TCF20: variants seen among roughly 807,000 people sequenced by gnomAD.
TCF20 encodes SPRE-binding protein.
A neutral mutation model predicts 148.6 loss-of-function variants in TCF20; 3 were observed. The ratio of observed to expected loss-of-function variants is 0.02; its 90% CI spans 0.01 to 0.05. TCF20 has a LOEUF of 0.05. Ranked by LOEUF, TCF20 falls within the 10% of genes least tolerant of loss-of-function variation. The pLI, the probability that TCF20 is intolerant of heterozygous loss-of-function variation, is 1.00. For synonymous variants in TCF20, 1,049 were observed against 909.5 expected, an observed-to-expected ratio of 1.15 and a Z score of -2.76; for missense variants, 2,350 against 2,429.3, an observed-to-expected ratio of 0.97 and a Z score of 0.69.
chr22:42,238,987 G>A (rs944648996), intron 1 of TCF20, among the ~76,000 whole-genome samples: 9 of 151,790 alleles, frequency 5.9e-5, no homozygotes, highest in Non-Finnish European at 1.0e-4. Flanking sequence ...GTGTGATGGC[G>A]GGCACCTGTA....
chr22:42,179,589 G>A lies in TCF20; in HGVS notation c.5749+20C>T, dbSNP rs561485005. On this transcript the variant is annotated intron_variant, in intron 3 of 5. Transcript: ENST00000677622. ...TAATCCTTTGGATGCTCTGGACAAG[G>A]GTCTGTGGTCTCCTCTTACCTGCAT... 5.1e-6 allele frequency: 8 copies of A among 1,574,362 alleles called. No individual in the cohort carries two copies. The highest frequency in any genetic ancestry group is 3.3e-5 in the South Asian group (3 of 90,220).
intron 1 of TCF20, among the ~76,000 whole-genome samples, chr22:42,237,706 ATGT>A (rs1332994115): frequency 6.6e-6 from 1 of 152,212 alleles, no homozygotes; most frequent in African/African-American, 2.4e-5. Context: ...TGCAGAATAG[ATGT>A]TGTGTTAGCA....
At position 42,215,219 on chromosome 22, in the gene TCF20, C is replaced by T; in HGVS notation, c.87G>A (p.Glu29=). The change falls in exon 2 of 6, where the codon GAG becomes GAA. Residue 29 remains glutamate, a synonymous_variant. Coordinates refer to ENST00000677622, the MANE Select transcript of TCF20 (RefSeq NM_001378418.1). ...QEVHGSSRLE[E]FSPRQAQMFQ... Reference sequence around the variant, plus strand: ...ACATCTGGGCCTGACGAGGGCTGAACTCTTCTAGCCGGGATGAGCCGTGTA... The same window carrying T: ...ACATCTGGGCCTGACGAGGGCTGAATTCTTCTAGCCGGGATGAGCCGTGTA... 6.2e-7 allele frequency: 1 copy of T among 1,614,214 alleles called. No individual in the cohort carries two copies.
chr22:42,211,533 C>T lies in TCF20; in HGVS notation c.3773G>A (p.Arg1258His). The T allele has an allele frequency of 1.2e-6, 2 of 1,614,152 alleles. No homozygotes were observed. The highest frequency in any genetic ancestry group is 1.7e-6 in the Non-Finnish European group (2 of 1,180,032). The change falls in exon 2 of 6, where the codon CGT becomes CAT. Residue 1258 changes from arginine (R) to histidine (H), a missense_variant. By Grantham distance (29) the Arg-to-His change is conservative. This residue lies in a region of TCF20 where 1,641 missense variants were observed against 1,662.6 expected (regional missense o/e 0.99). Transcript: ENST00000677622. ...QNPLIMRRRV[R>H]SFISPIPSKR... Reference sequence around the variant, plus strand: ...ACTGGGAATGGGAGAGATAAAAGAACGAACACGCCTCCTCATGATTAAGGG... The same window carrying T: ...ACTGGGAATGGGAGAGATAAAAGAATGAACACGCCTCCTCATGATTAAGGG...
In TCF20 at chr22:42,297,121, C is replaced by T. The variant is rs1927250813; in HGVS notation, c.-37+46358G>A. On this transcript the variant is annotated intron_variant, in intron 1 of 1. Coordinates refer to the TCF20 transcript ENST00000515426. The surrounding 1 kb of genome is among the most constrained non-coding windows in gnomAD (Gnocchi z 4.3). ...CAGAACCTGTGTCCCAACCCCTATG[C>T]ACTACTGGTTCAGGCAGGCCTCAGT... 6.6e-6 allele frequency among the ~76,000 whole-genome samples: 1 copy of T among 152,204 alleles called. No individual in the cohort carries two copies. The highest frequency in any genetic ancestry group is 6.5e-5 in the Admixed American group (1 of 15,286).
At chr22:42,305,049 G>A (rs1601700299) in intron 1 of TCF20, among the ~76,000 whole-genome samples, 1 of 152,198 alleles carries the variant, frequency 6.6e-6, no homozygotes, top group African/African-American at 2.4e-5. Context: ...TGAGCACACA[G>A]CAGACCCTCT....
chr22:42,211,837 C>A lies in TCF20; in HGVS notation c.3469G>T (p.Ala1157Ser), dbSNP rs1920981512. The change falls in exon 2 of 6, where the codon GCC becomes TCC. Residue 1157 changes from alanine (A) to serine (S), a missense_variant. Around this residue, in one of 7 missense-constraint regions of TCF20, gnomAD observed 1,641 missense variants for 1,662.6 expected, o/e 0.99. Transcript: ENST00000677622. ...ATTAGGCAGCGCCCAGCCTCCTGGG[C>A]ACTGGGGTCATGGTAAGTCCCCACT... is the stretch of plus-strand genomic sequence containing the variant. Reference protein sequence around the residue: ...PPVGTYHDPSAQEAGRCLMSS... With the variant: ...PPVGTYHDPSSQEAGRCLMSS... The A allele has an allele frequency of 9.9e-6, 16 of 1,614,206 alleles. No homozygotes were observed. The highest frequency in any genetic ancestry group is 1.4e-5 in the Non-Finnish European group (16 of 1,180,046).
At chr22:42,328,193 C>T (rs568650267) in intron 1 of TCF20, among the ~76,000 whole-genome samples, 3 of 152,216 alleles carry the variant, frequency 2.0e-5, no homozygotes, top group Non-Finnish European at 2.9e-5. Flanking sequence ...GCTCTCTACT[C>T]GGGAGAACCA....
intron 1 of TCF20, among the ~76,000 whole-genome samples, chr22:42,261,827 C>T (rs997407315): frequency 6.6e-6 from 1 of 152,128 alleles, no homozygotes; most frequent in Non-Finnish European, 1.5e-5. Context: ...CCTGTCTCTA[C>T]TAAAAATACA....
intron 2 of TCF20, among the ~76,000 whole-genome samples, chr22:42,198,871 G>A (rs193118326): frequency 1.3e-5 from 2 of 152,152 alleles, no homozygotes; most frequent in African/African-American, 2.4e-5. Flanking sequence ...CACTGTGTTG[G>A]CCAGGCTGGT....
intron 2 of TCF20, among the ~76,000 whole-genome samples, chr22:42,198,819 G>A (rs993005195): frequency 5.3e-5 from 8 of 151,936 alleles, no homozygotes; most frequent in South Asian, 4.2e-4. Flanking sequence ...CCGCCACCAC[G>A]TCCAGCTAAT....
intron 1 of TCF20, among the ~76,000 whole-genome samples, chr22:42,324,928 G>C (rs920221861): frequency 6.6e-6 from 1 of 152,246 alleles, no homozygotes; most frequent in Non-Finnish European, 1.5e-5. Context: ...GGGATGAAGA[G>C]AGGCCAGAAG....
Position 42,225,369 on chromosome 22 carries a change from C to T in TCF20, c.-36-10028G>A, listed in dbSNP as rs1922781516. Among the ~76,000 whole-genome samples the T allele has an allele frequency of 3.3e-5, 5 of 151,380 alleles. No individual in the cohort carries two copies. The South Asian group carries it at 1.0e-3, about 32-fold the overall frequency. On this transcript the variant is annotated intron_variant, in intron 1 of 5. Transcript: ENST00000677622. ...GTGGCTCACACCTGTAATCCCAGCACTTTGGGAGGCCGAGGCGGGTGGATC... is the reference window on the plus strand; with the variant it reads ...GTGGCTCACACCTGTAATCCCAGCATTTTGGGAGGCCGAGGCGGGTGGATC...
At chr22:42,342,473 T>A (rs1437410344) in intron 1 of TCF20, among the ~76,000 whole-genome samples, 1 of 152,192 alleles carries the variant, frequency 6.6e-6, no homozygotes, top group Non-Finnish European at 1.5e-5. Flanking sequence ...GACCCAAATG[T>A]TGGCCCGGGT....
At chr22:42,201,073 G>A (rs1045360733) in intron 2 of TCF20, among the ~76,000 whole-genome samples, 2 of 152,164 alleles carry the variant, frequency 1.3e-5, no homozygotes, top group African/African-American at 4.8e-5. Flanking sequence ...AGACCTGGTT[G>A]TTTGAAAGTG....
At chr22:42,198,681 T>G (rs1193351296) in intron 2 of TCF20, among the ~76,000 whole-genome samples, 1 of 151,838 alleles carries the variant, frequency 6.6e-6, no homozygotes, top group Non-Finnish European at 1.5e-5. Flanking sequence ...TTTTTTTTTT[T>G]GAGACAGTCT....
intron 1 of TCF20, among the ~76,000 whole-genome samples, chr22:42,337,579 C>G (rs1338935679): frequency 6.6e-6 from 1 of 152,260 alleles, no homozygotes; most frequent in Non-Finnish European, 1.5e-5. Flanking sequence ...CAAGACCCAA[C>G]TCAAAATGTC....
At chr22:42,264,362 C>T (rs1347479777) in intron 1 of TCF20, among the ~76,000 whole-genome samples, 1 of 152,150 alleles carries the variant, frequency 6.6e-6, no homozygotes, top group Non-Finnish European at 1.5e-5. Flanking sequence ...TATTACAATA[C>T]ATCTCCACAT....
intron 2 of TCF20, among the ~76,000 whole-genome samples, chr22:42,184,017 C>T (rs1936921517): frequency 6.6e-6 from 1 of 152,146 alleles, no homozygotes; most frequent in Non-Finnish European, 1.5e-5. Context: ...GATCTGCCCA[C>T]CTCAGCCTCT....
Sources: allele counts gnomAD v4.1 joint callset (sites outside exome capture counted in the v4.1 genomes callset), GRCh38; gene constraint gnomAD v4.1.1; regional missense constraint gnomAD v4.1.1; non-coding constraint Gnocchi (gnomAD v3.1); transcripts MANE v1.5; gene names NCBI Gene and HGNC (gene_info 2026-07-23, HGNC 2026-07-21).